Variants in OSTM1 observed in about 807,000 individuals in gnomAD.
The protein encoded by OSTM1 is osteoclastogenesis associated transmembrane protein 1.
Under a neutral mutation model 35.4 loss-of-function variants are expected in OSTM1, and 26 were observed. The observed-to-expected ratio is 0.73, with a 90% CI of 0.54 to 1.02. The LOEUF (loss-of-function observed/expected upper bound fraction) is 1.02. Among genes scored for constraint, OSTM1 ranks in the 50% least tolerant of loss-of-function variants. The pLI is 0.00. For missense variants in OSTM1, 366 were observed against 409.6 expected, an observed-to-expected ratio of 0.89 and a Z score of 0.92; for synonymous variants, 181 against 165.0, an observed-to-expected ratio of 1.10 and a Z score of -0.75.
chr6:108,051,980 G>A (rs931798578), intron 3 of OSTM1, among the ~76,000 whole-genome samples: 1 of 152,110 alleles, frequency 6.6e-6, no homozygotes, highest in South Asian at 2.1e-4. Context: ...TGAACATTGG[G>A]ATGAAAGAGA....
chr6:108,044,855 A>C lies in OSTM1; in HGVS notation c.950-15T>G. ...GAGACGTTTGGCTAGATAAATCAAAAGAATTATATTTTAATTTAAATTTAA... is the reference window on the plus strand; with the variant it reads ...GAGACGTTTGGCTAGATAAATCAAACGAATTATATTTTAATTTAAATTTAA... On this transcript the variant is annotated splice_polypyrimidine_tract_variant and intron_variant, in intron 5 of 5. Coordinates refer to ENST00000193322, the MANE Select transcript of OSTM1 (RefSeq NM_014028.4). The C allele has an allele frequency of 7.1e-7, 1 of 1,405,794 alleles. No individual in the cohort carries two copies. The highest frequency in any genetic ancestry group is 1.4e-5 in the South Asian group (1 of 73,538). 87.1% of individuals were successfully genotyped at this position (1,405,794 alleles called of 1,614,324 possible).
intron 1 of OSTM1, among the ~76,000 whole-genome samples, chr6:108,069,512 T>C (rs1772445226): frequency 6.6e-6 from 1 of 152,082 alleles, no homozygotes; most frequent in Admixed American, 6.5e-5. Context: ...GATGGATGGA[T>C]CTATAGATCT....
At chr6:108,053,278 T>G (rs1387351327) in intron 3 of OSTM1, among the ~76,000 whole-genome samples, 1 of 152,224 alleles carries the variant, frequency 6.6e-6, no homozygotes, top group African/African-American at 2.4e-5. Context: ...TTTAATATTT[T>G]TGGACTGCAG....
intron 2 of OSTM1, among the ~76,000 whole-genome samples, chr6:108,057,967 T>C (rs1772197046): frequency 6.6e-6 from 1 of 151,780 alleles, no homozygotes; most frequent in African/African-American, 2.4e-5. Flanking sequence ...TCTTAGATAA[T>C]CAATGGAGCC....
chr6:108,055,074 G>A (rs907417615), intron 2 of OSTM1, among the ~76,000 whole-genome samples: 16 of 152,156 alleles, frequency 1.1e-4, no homozygotes, highest in Non-Finnish European at 1.5e-4. Flanking sequence ...TCCATCACGA[G>A]TTGGGAGCCC....
intron 5 of OSTM1, among the ~76,000 whole-genome samples, chr6:108,048,501 C>T (rs1273448430): frequency 6.6e-6 from 1 of 152,158 alleles, no homozygotes; most frequent in Non-Finnish European, 1.5e-5. Context: ...CAAGTAATCT[C>T]CTTGGAACTA....
intron 1 of OSTM1, among the ~76,000 whole-genome samples, chr6:108,064,768 A>C (rs1292693156): frequency 6.6e-6 from 1 of 152,204 alleles, no homozygotes; most frequent in Non-Finnish European, 1.5e-5. Flanking sequence ...AAAAAGTATA[A>C]AAGAATGCCA....
chr6:108,055,430 C>T (rs1279265048), intron 2 of OSTM1, among the ~76,000 whole-genome samples: 1 of 152,128 alleles, frequency 6.6e-6, no homozygotes, highest in Non-Finnish European at 1.5e-5. Context: ...GATGTTCCCA[C>T]CTCAACCTTC....
At chr6:108,056,916 A>T (rs1435721614) in intron 2 of OSTM1, among the ~76,000 whole-genome samples, 1 of 152,224 alleles carries the variant, frequency 6.6e-6, no homozygotes, top group Non-Finnish European at 1.5e-5. Flanking sequence ...TATGCTGATG[A>T]TCATACCACA....
chr6:108,073,395 A>G (rs1179305968), intron 1 of OSTM1, among the ~76,000 whole-genome samples: 2 of 152,190 alleles, frequency 1.3e-5, no homozygotes, highest in Non-Finnish European at 2.9e-5. Context: ...TCTAAACTTT[A>G]TAAAGTACTT....
intron 5 of OSTM1, among the ~76,000 whole-genome samples, chr6:108,047,504 A>G (rs1313156293): frequency 6.6e-6 from 1 of 152,252 alleles, no homozygotes; most frequent in Admixed American, 6.5e-5. Flanking sequence ...GTAGAGAAAC[A>G]TGGTGAATTT....
rs140320992 is a variant in OSTM1 at position 108,043,343 on chromosome 6, CT to C, written c.*1441del. 0.082 allele frequency: 12,535 copies of C among 152,250 alleles called. 944 individuals are homozygous for C. The highest frequency in any genetic ancestry group is 0.21 in the Admixed American group (3,134 of 15,282). The allele number at this position is 152,250 out of a possible 1,614,324, so 9.4% of individuals were successfully genotyped here. On this transcript the variant is annotated 3_prime_UTR_variant, in exon 6 of 6. Coordinates refer to ENST00000193322, the MANE Select transcript of OSTM1 (RefSeq NM_014028.4). The stretch of plus-strand genomic sequence containing the variant: ...CAGCAGATCAGAGAAAGTGTAACAG[CT>C]TTTGAGTATGTTATACATCCAAGAG...
In OSTM1 at chr6:108,049,255, A is replaced by G; in HGVS notation, c.947T>C (p.Leu316Pro). Residue 316 changes from leucine to proline, a missense_variant and splice_region_variant, in exon 5 of 6, where the codon CTG becomes CCG. Leu to Pro is a moderately conservative substitution (Grantham distance 98, BLOSUM62 -3). This residue lies in a region of OSTM1 where 125 missense variants were observed against 151.7 expected (regional missense o/e 0.82). Coordinates refer to ENST00000193322, the MANE Select transcript of OSTM1 (RefSeq NM_014028.4). ...HSEQKKRKLILPKRLKSSTSF... is the reference protein window; with the variant it reads ...HSEQKKRKLIPPKRLKSSTSF... Reference sequence around the variant, plus strand: ...ATAAATAATTGTAAAAAACTTACGCAGAATGAGTTTGCGTTTCTTTTGCTC... The same window carrying G: ...ATAAATAATTGTAAAAAACTTACGCGGAATGAGTTTGCGTTTCTTTTGCTC... 1 of 1,606,020 alleles carries G rather than the reference A, an allele frequency of 6.2e-7. No homozygotes were observed. Among genetic ancestry groups the G allele is most frequent in the Non-Finnish European group, 8.5e-7 (1 of 1,173,324 alleles).
rs552313901 is a variant in OSTM1 at position 108,055,337 on chromosome 6, C to T, written c.518-750G>A. On this transcript the variant is annotated intron_variant, in intron 2 of 5. Transcript: ENST00000193322. ...TATTCTTCTTTTTTTTTTTAAGAAA[C>T]GGGGTCTTGCTCGGTTGCCCAGGCT... Among the ~76,000 whole-genome samples the T allele has an allele frequency of 2.5e-4, 38 of 150,146 alleles. 1 individual carries two copies. In the South Asian group the frequency reaches 3.6e-3, roughly 14 times the overall value.
chr6:108,074,439 C>T lies in OSTM1; in HGVS notation c.213G>A (p.Leu71=). ...GATCCGGCAGGTCCGGGGGCAGCGA[C>T]AGAGGCCCCAGCCCTCCACCCTGCA... is the stretch of plus-strand genomic sequence containing the variant. ...SLLQGGGLGP[L]SLPPDLPDLD... The change falls in exon 1 of 6, where the codon CTG becomes CTA. Residue 71 remains leucine (L), a synonymous_variant. Transcript: ENST00000193322. 6.4e-7 allele frequency: 1 copy of T among 1,558,392 alleles called. No individual in the cohort carries two copies. The highest frequency in any genetic ancestry group is 8.7e-7 in the Non-Finnish European group (1 of 1,151,374).
At position 108,074,453 on chromosome 6, in the gene OSTM1, C is replaced by T. The variant is rs747769282; in HGVS notation, c.199G>A (p.Gly67Arg). The change falls in exon 1 of 6, where the codon GGG becomes AGG. Residue 67 changes from glycine (G) to arginine (R), a missense_variant. Gly to Arg is a moderately radical substitution (Grantham distance 125). Around this residue, in one of 3 missense-constraint regions of OSTM1, gnomAD observed 236 missense variants for 239.3 expected, o/e 0.99. Transcript: ENST00000193322. ...GGGGGCAGCGACAGAGGCCCCAGCC[C>T]TCCACCCTGCAGGAGGGACAGGGAC... ...DLSLSLLQGG[G>R]LGPLSLPPDL... The T allele has an allele frequency of 3.0e-5, 46 of 1,557,330 alleles. No individual in the cohort carries two copies. The highest frequency in any genetic ancestry group is 3.8e-5 in the Non-Finnish European group (44 of 1,151,046).
rs950802193 is a variant in OSTM1, at chr6:108,074,573, C to A, written c.79G>T (p.Gly27Trp). 1.8e-4 allele frequency: 276 copies of A among 1,564,510 alleles called. No homozygotes were observed. The highest frequency in any genetic ancestry group is 2.3e-4 in the Non-Finnish European group (263 of 1,158,680). ...WLPLGLLLWS[G>W]LALGALPFGS... Reference sequence around the variant, plus strand: ...AAGGGGAGCGCGCCCAGGGCCAGCCCCGACCACAGCAGCAGCCCCAGCGGC... The same window carrying A: ...AAGGGGAGCGCGCCCAGGGCCAGCCACGACCACAGCAGCAGCCCCAGCGGC... Residue 27 changes from glycine to tryptophan, a missense_variant, in exon 1 of 6, where the codon GGG becomes TGG. Coordinates refer to ENST00000193322, the MANE Select transcript of OSTM1 (RefSeq NM_014028.4).
chr6:108,053,757 C>T (rs1245395942), intron 3 of OSTM1, among the ~76,000 whole-genome samples: 3 of 152,320 alleles, frequency 2.0e-5, no homozygotes, highest in East Asian at 1.9e-4. Context: ...TGAGATACTG[C>T]ACCTGGCCCA....
At chr6:108,055,625 T>C (rs1379090317) in intron 2 of OSTM1, among the ~76,000 whole-genome samples, 1 of 152,228 alleles carries the variant, frequency 6.6e-6, no homozygotes, top group African/African-American at 2.4e-5. Flanking sequence ...CTGACTCTCC[T>C]AGAATCCTTG....
Sources: allele counts gnomAD v4.1 joint callset (sites outside exome capture counted in the v4.1 genomes callset), GRCh38; gene constraint gnomAD v4.1.1; regional missense constraint gnomAD v4.1.1; transcripts MANE v1.5; gene names NCBI Gene and HGNC (gene_info 2026-07-23, HGNC 2026-07-21).